Variants in ST6GALNAC3 observed in about 807,000 individuals in gnomAD.
The protein encoded by ST6GALNAC3 is ST6 N-acetylgalactosaminide alpha-2,6-sialyltransferase 3, also known as alpha-N-acetylgalactosaminide alpha-2,6-sialyltransferase 3.
ST6GALNAC3 carries 25 observed loss-of-function variants against 32.7 expected under a neutral mutation model. The ratio of observed to expected loss-of-function variants is 0.76; its 90% CI spans 0.56 to 1.07. The LOEUF (loss-of-function observed/expected upper bound fraction) is 1.07. Ranked by LOEUF, ST6GALNAC3 falls within the 50% of genes least tolerant of loss-of-function variation. ST6GALNAC3 has a pLI of 0.00. For missense variants in ST6GALNAC3, 355 were observed against 382.4 expected, an observed-to-expected ratio of 0.93 and a Z score of 0.60; for synonymous variants, 129 against 133.1, an observed-to-expected ratio of 0.97 and a Z score of 0.21.
At chr1:76,518,892 C>G (rs955416152) in intron 3 of ST6GALNAC3, among the ~76,000 whole-genome samples, 2 of 152,006 alleles carry the variant, frequency 1.3e-5, no homozygotes, top group Admixed American at 6.6e-5. Flanking sequence ...TGGTGAAACC[C>G]TGTCTCTACT....
chr1:76,112,155 C>G (rs1322549188), intron 1 of ST6GALNAC3, among the ~76,000 whole-genome samples: 3 of 144,532 alleles, frequency 2.1e-5, no homozygotes, highest in Admixed American at 1.3e-4. Flanking sequence ...GGCGGCTGGC[C>G]GGGCAGAGGG....
intron 1 of ST6GALNAC3, among the ~76,000 whole-genome samples, chr1:76,238,948 C>CAT (rs1398463270): frequency 7.6e-6 from 1 of 131,286 alleles, no homozygotes; most frequent in Non-Finnish European, 1.6e-5. Flanking sequence ...TCCCACTAAC[C>CAT]TTTTTTTTTT....
chr1:76,221,585 C>T (rs1289715141), intron 1 of ST6GALNAC3, among the ~76,000 whole-genome samples: 1 of 152,158 alleles, frequency 6.6e-6, no homozygotes, highest in Non-Finnish European at 1.5e-5. Flanking sequence ...TTCTGTCCTT[C>T]ATTCATAGTC....
chr1:76,235,181 C>A (rs917772254), intron 1 of ST6GALNAC3, among the ~76,000 whole-genome samples: 1 of 152,134 alleles, frequency 6.6e-6, no homozygotes, highest in African/African-American at 2.4e-5. Flanking sequence ...AATTTTAGCA[C>A]CCAAAAGCAT....
At chr1:76,480,404 T>C (rs1434198302) in intron 3 of ST6GALNAC3, among the ~76,000 whole-genome samples, 1 of 152,178 alleles carries the variant, frequency 6.6e-6, no homozygotes, top group Non-Finnish European at 1.5e-5. Flanking sequence ...CTTATCTGAT[T>C]TTAAGTTTCC....
At chr1:76,441,436 T>G (rs1464091057) in intron 3 of ST6GALNAC3, among the ~76,000 whole-genome samples, 1 of 152,046 alleles carries the variant, frequency 6.6e-6, no homozygotes, top group African/African-American at 2.4e-5. Context: ...AGGAAAAAAA[T>G]GTGGTCAAGG....
intron 2 of ST6GALNAC3, among the ~76,000 whole-genome samples, chr1:76,405,548 G>C (rs1432414901): frequency 6.6e-6 from 1 of 151,872 alleles, no homozygotes; most frequent in East Asian, 1.9e-4. Flanking sequence ...AACTGGCCTA[G>C]GAGAGTGAGC....
At chr1:76,129,135 T>A (rs922317214) in intron 1 of ST6GALNAC3, among the ~76,000 whole-genome samples, 11 of 151,652 alleles carry the variant, frequency 7.3e-5, no homozygotes, top group Non-Finnish European at 1.2e-4. Flanking sequence ...TACAGGGGAG[T>A]TGGGAGTTCC....
chr1:76,390,529 GC>G (rs1652452206), intron 2 of ST6GALNAC3, among the ~76,000 whole-genome samples: 2 of 152,154 alleles, frequency 1.3e-5, no homozygotes, highest in African/African-American at 4.8e-5. Context: ...TTTAGCCAGT[GC>G]AGCATATATT....
downstream of ST6GALNAC3, among the ~76,000 whole-genome samples, chr1:76,636,592 A>G (rs1017300004): frequency 3.9e-5 from 6 of 152,262 alleles, no homozygotes; most frequent in South Asian, 4.1e-4. Context: ...ATATTTCTAT[A>G]AAGAGAGGAC....
At chr1:76,351,727 G>T (rs1049753973) in intron 2 of ST6GALNAC3, among the ~76,000 whole-genome samples, 2 of 152,098 alleles carry the variant, frequency 1.3e-5, no homozygotes, top group Non-Finnish European at 2.9e-5. Context: ...TCTGGTATAT[G>T]CCTTCTATCC....
intron 1 of ST6GALNAC3, among the ~76,000 whole-genome samples, chr1:76,293,565 C>T (rs1660217136): frequency 6.6e-6 from 1 of 152,204 alleles, no homozygotes; most frequent in Non-Finnish European, 1.5e-5. Context: ...GTCCAAGTGA[C>T]ACCAAAGGCA....
At chr1:76,555,515 A>G (rs2100392380) in intron 3 of ST6GALNAC3, among the ~76,000 whole-genome samples, 1 of 152,284 alleles carries the variant, frequency 6.6e-6, no homozygotes, top group South Asian at 2.1e-4. Context: ...TGATCCAAAC[A>G]AAGTGAACCT....
At chr1:76,432,443 CTTTTTTTTTTTTTT>C (rs35527607) in intron 3 of ST6GALNAC3, among the ~76,000 whole-genome samples, 34 of 57,188 alleles carry the variant, frequency 5.9e-4, no homozygotes, top group Middle Eastern at 0.017. Flanking sequence ...CCTTTATTGC[CTTTTTTTTTTTTTT>C]TTTTTTTTTT....
chr1:76,224,774 C>G (rs1655974287), intron 1 of ST6GALNAC3, among the ~76,000 whole-genome samples: 1 of 152,114 alleles, frequency 6.6e-6, no homozygotes, highest in African/African-American at 2.4e-5. Flanking sequence ...GGTAAGGTAG[C>G]CTTTGTCTTG....
chr1:76,451,252 G>C (rs998492551), intron 3 of ST6GALNAC3, among the ~76,000 whole-genome samples: 1 of 152,162 alleles, frequency 6.6e-6, no homozygotes, highest in Non-Finnish European at 1.5e-5. Context: ...AGGTTTAATG[G>C]ATTCACAGTT....
chr1:76,297,894 G>A (rs576157231), intron 1 of ST6GALNAC3, among the ~76,000 whole-genome samples: 5 of 151,798 alleles, frequency 3.3e-5, no homozygotes, highest in South Asian at 2.1e-4. Flanking sequence ...CTAACTTCCC[G>A]AAGAGACAGA....
intron 3 of ST6GALNAC3, among the ~76,000 whole-genome samples, chr1:76,531,077 A>G (rs61518241): frequency 1.3e-5 from 2 of 152,268 alleles, no homozygotes; most frequent in Admixed American, 6.5e-5. Context: ...GGTACCCTCA[A>G]CCCTCAAGGG....
At chr1:76,580,659 C>G (rs1231556496) in intron 3 of ST6GALNAC3, among the ~76,000 whole-genome samples, 2 of 149,412 alleles carry the variant, frequency 1.3e-5, no homozygotes, top group Non-Finnish European at 1.5e-5. Context: ...TTGTGGTAGT[C>G]ACTTGAATAC....
Sources: gnomAD v4.1 joint callset for allele counts (sites outside exome capture counted in the v4.1 genomes callset) on GRCh38, gnomAD v4.1.1 for gene constraint, MANE v1.5 for transcripts, NCBI Gene and HGNC (gene_info 2026-07-23, HGNC 2026-07-21) for gene names.